The following KIF26B variants were observed in gnomAD, a reference collection of about 807,000 sequenced individuals.
The protein encoded by KIF26B is kinesin family member 26B, also known as kinesin-like protein KIF26B.
KIF26B carries 63 observed loss-of-function variants against 151.2 expected under a neutral mutation model. The ratio of observed to expected loss-of-function variants is 0.42; its 90% confidence interval spans 0.34 to 0.51. The LOEUF (loss-of-function observed/expected upper bound fraction) is 0.51. Among genes scored for constraint, KIF26B ranks in the 20% least tolerant of loss-of-function variants. The pLI is 0.07. For synonymous variants in KIF26B, 1,357 were observed against 1,262.1 expected, an observed-to-expected ratio of 1.08 and a Z score of -1.59; for missense variants, 2,813 against 2,913.6, an observed-to-expected ratio of 0.97 and a Z score of 0.79.
At chr1:245,635,546 T>G (rs189704609) in intron 9 of KIF26B, among the ~76,000 whole-genome samples, 3 of 152,282 alleles carry the variant, frequency 2.0e-5, no homozygotes, top group Admixed American at 6.5e-5. Context: ...CAAATTTTGT[T>G]GATCTTCTCA....
rs573454044 is a variant in KIF26B, at chr1:245,539,463, C to T, written c.1167-1304C>T. ...TTTAATCAGTAGAATAAAGTCAGGG[C>T]GGTCCTTTCATTTTAAGCAGCAGCT... On this transcript the variant is annotated intron_variant, in intron 4 of 14. Coordinates refer to ENST00000407071, the MANE Select transcript of KIF26B (RefSeq NM_018012.4). Among the ~76,000 whole-genome samples the T allele has an allele frequency of 4.6e-5, 7 of 152,192 alleles. No homozygotes were observed. In the South Asian group the frequency reaches 6.2e-4, roughly 14 times the overall value.
intron 10 of KIF26B, among the ~76,000 whole-genome samples, chr1:245,666,799 C>T (rs1488621608): frequency 6.6e-6 from 1 of 151,982 alleles, no homozygotes; most frequent in East Asian, 1.9e-4. Context: ...CCGTTGGGAT[C>T]AAACATTTTT....
At chr1:245,232,540 T>C (rs1355642710) in intron 2 of KIF26B, among the ~76,000 whole-genome samples, 1 of 151,570 alleles carries the variant, frequency 6.6e-6, no homozygotes, top group Non-Finnish European at 1.5e-5. Flanking sequence ...CAAATACATG[T>C]GGTTTCATTT....
At chr1:245,268,265 C>T (rs771859082) in intron 2 of KIF26B, among the ~76,000 whole-genome samples, 6 of 151,720 alleles carry the variant, frequency 4.0e-5, no homozygotes, top group Admixed American at 1.3e-4. Context: ...GTCAGGAGAT[C>T]GAGACCATCC....
intron 10 of KIF26B, chr1:245,676,553 G>T (rs529196187): frequency 6.6e-6 from 1 of 152,276 alleles, no homozygotes; most frequent in Admixed American, 6.5e-5. Flanking sequence ...TCTACAGCTG[G>T]TCTTTCTCCA....
At chr1:245,156,991 C>T (rs1668449273) in intron 2 of KIF26B, among the ~76,000 whole-genome samples, 1 of 152,240 alleles carries the variant, frequency 6.6e-6, no homozygotes, top group African/African-American at 2.4e-5. Context: ...TCCCAGCTCT[C>T]CCTGGCGGCT....
At chr1:245,320,097 C>T (rs1472432690) in intron 2 of KIF26B, among the ~76,000 whole-genome samples, 2 of 152,164 alleles carry the variant, frequency 1.3e-5, no homozygotes, top group Non-Finnish European at 2.9e-5. Flanking sequence ...AGCTATTGTT[C>T]ATATTTGTTC....
intron 2 of KIF26B, among the ~76,000 whole-genome samples, chr1:245,203,260 G>GAAAT: frequency 3.8e-5 from 1 of 26,242 alleles, no homozygotes; most frequent in East Asian, 1.1e-3. Context: ...AAAAAAAAAA[G>GAAAT]AAAATGAGTT....
At chr1:245,458,289 T>C (rs1389632312) in intron 4 of KIF26B, among the ~76,000 whole-genome samples, 1 of 152,178 alleles carries the variant, frequency 6.6e-6, no homozygotes, top group Non-Finnish European at 1.5e-5. Context: ...CCCATGCCAG[T>C]TTATAGGGAT....
At chr1:245,637,511 A>G (rs2043848392) in intron 9 of KIF26B, among the ~76,000 whole-genome samples, 1 of 151,908 alleles carries the variant, frequency 6.6e-6, no homozygotes, top group South Asian at 2.1e-4. Flanking sequence ...GAAGCTTTTT[A>G]GCTTGATGTA....
chr1:245,414,504 G>A (rs1210984524), intron 3 of KIF26B, among the ~76,000 whole-genome samples: 1 of 152,128 alleles, frequency 6.6e-6, no homozygotes, highest in Non-Finnish European at 1.5e-5. Context: ...GTGGGCCCAG[G>A]GCCTCTTTCC....
chr1:245,265,114 A>C (rs914180236), intron 2 of KIF26B, among the ~76,000 whole-genome samples: 2 of 149,612 alleles, frequency 1.3e-5, no homozygotes, highest in South Asian at 2.2e-4. Flanking sequence ...AGGCAGGAGA[A>C]TGGTGTGAAC....
chr1:245,609,601 C>A, intron 8 of KIF26B, 73 bp downstream of exon 8: 2 of 1,408,576 alleles, frequency 1.4e-6, no homozygotes, highest in Non-Finnish European at 1.9e-6. Context: ...CAGCTCCACC[C>A]GTGAATCACT....
At chr1:245,496,409 G>A (rs1660514648) in intron 4 of KIF26B, among the ~76,000 whole-genome samples, 1 of 152,122 alleles carries the variant, frequency 6.6e-6, no homozygotes, top group South Asian at 2.1e-4. Context: ...AGCATTAAAT[G>A]CATGACAAAA....
chr1:245,679,459 T>G (rs12126389), intron 10 of KIF26B, among the ~76,000 whole-genome samples: 5,859 of 30,248 alleles, frequency 0.19, 252 homozygotes, highest in Non-Finnish European at 0.27. Flanking sequence ...TTGTGTGTGT[T>G]TTTTTTTTTT....
chr1:245,407,504 T>C (rs1093939), intron 3 of KIF26B, among the ~76,000 whole-genome samples: 108,852 of 151,776 alleles, frequency 0.72, 39,950 homozygotes, highest in African/African-American at 0.88. Context: ...CTTTGTTCCT[T>C]GTTTGCCCTT....
rs1465717885 is a variant in KIF26B at position 245,560,792 on chromosome 1, T to C, written c.1350+19842T>C. Among the ~76,000 whole-genome samples the C allele has an allele frequency of 6.6e-6, 1 of 152,168 alleles. No homozygotes were observed. The highest frequency in any genetic ancestry group is 2.4e-5 in the African/African-American group (1 of 41,454). Reference sequence around the variant, plus strand: ...CCTCCGCTCCTCGCACTCTCATCACTGCCCCTCACTCTCTGTCCCCACAGC... The same window carrying C: ...CCTCCGCTCCTCGCACTCTCATCACCGCCCCTCACTCTCTGTCCCCACAGC... On this transcript the variant is annotated intron_variant, in intron 5 of 14. Transcript: ENST00000407071. The surrounding 1 kb of genome is among the most constrained non-coding windows in gnomAD (Gnocchi z 4.3).
intron 9 of KIF26B, 93 bp downstream of exon 9, chr1:245,612,069 TG>T: frequency 1.8e-6 from 1 of 562,152 alleles, no homozygotes; most frequent in Middle Eastern, 4.3e-4. Flanking sequence ...TGTGTGTGTG[TG>T]TGTGTGTGTG....
chr1:245,651,580 G>A (rs1327556155), intron 10 of KIF26B, among the ~76,000 whole-genome samples: 3 of 152,158 alleles, frequency 2.0e-5, no homozygotes, highest in Admixed American at 6.5e-5. Flanking sequence ...TAGCTAGAGC[G>A]GGGTTCCAAA....
Sources: allele counts gnomAD v4.1 joint callset (sites outside exome capture counted in the v4.1 genomes callset), GRCh38; gene constraint gnomAD v4.1.1; non-coding constraint Gnocchi (gnomAD v3.1); transcripts MANE v1.5; gene names NCBI Gene and HGNC (gene_info 2026-07-23, HGNC 2026-07-21).